MYO18A: variants seen among roughly 807,000 people sequenced by gnomAD.
The protein encoded by MYO18A is unconventional myosin-XVIIIa.
Under a neutral mutation model 235.8 loss-of-function variants are expected in MYO18A, and 78 were observed. The observed-to-expected ratio is 0.33, with a 90% confidence interval of 0.28 to 0.40. The LOEUF is 0.40. MYO18A is among the 10% of genes least tolerant of loss of function. MYO18A has a pLI of 1.00. For missense variants in MYO18A, 2,215 were observed against 2,699.3 expected (o/e 0.82, Z 3.98); for synonymous variants, 977 against 1,077.8 (o/e 0.91, Z 1.83).
chr17:29,117,502 G>C lies in MYO18A; in HGVS notation c.2038+543C>G, dbSNP rs918546997. 2.6e-5 allele frequency among the ~76,000 whole-genome samples: 4 copies of C among 152,074 alleles called. No homozygotes were observed. The highest frequency in any genetic ancestry group is 5.9e-5 in the Non-Finnish European group (4 of 68,004). On this transcript the variant is annotated intron_variant, in intron 10 of 41. Transcript: ENST00000527372. The surrounding 1 kb of genome is among the most constrained non-coding windows in gnomAD (Gnocchi z 4.6). ...AGATCTAAAACTGGCAGGAGAAGCA[G>C]CTACTCCTGGGACTCTAAGACACCC...
chr17:29,120,810 C>A lies in MYO18A; in HGVS notation c.1586-52G>T. The A allele has an allele frequency of 6.3e-7, 1 of 1,590,244 alleles. No homozygotes were observed. The highest frequency in any genetic ancestry group is 8.6e-7 in the Non-Finnish European group (1 of 1,166,630). ...TCAGGAAAGCCAGGGGCAGCTTATC[C>A]CCCAGCTAGGAGCTACCCCAGAGGT... On this transcript the variant is annotated intron_variant, in intron 6 of 41. Transcript: ENST00000527372. This position sits in a 1 kb window ranked among gnomAD's most constrained non-coding sequence, Gnocchi z 4.2.
Position 29,089,419 on chromosome 17 carries a change from C to CAAA in MYO18A, c.5526+539_5526+541dup, listed in dbSNP as rs56389977. Among the ~76,000 whole-genome samples the CAAA allele has an allele frequency of 2.5e-3, 60 of 23,802 alleles. 11 individuals are homozygous for CAAA. The highest frequency in any genetic ancestry group is 3.3e-3 in the Admixed American group (4 of 1,224). The allele number at this position is 23,802 out of a possible 152,430, so 15.6% of individuals were successfully genotyped here. The stretch of plus-strand genomic sequence containing the variant: ...CTGGCGACAGAGTGAGACTCTGTCT[C>CAAA]AAAAAAAAAAAAAAAAAAAAAAAAA... On this transcript the variant is annotated intron_variant, in intron 37 of 41. Transcript: ENST00000527372.
chr17:29,093,344 C>T lies in MYO18A; in HGVS notation c.4905G>A (p.Lys1635=), dbSNP rs1484299019. Residue 1635 remains lysine, a synonymous_variant, in exon 32 of 42, where the codon AAG becomes AAA. Coordinates refer to ENST00000527372, the MANE Select transcript of MYO18A (RefSeq NM_078471.4). ...TGACCTGGTCGCTGAGGGTGGCGAGCTTGCCCTCCAGCTCCCGCTTCTCTC... is the reference window on the plus strand; with the variant it reads ...TGACCTGGTCGCTGAGGGTGGCGAGTTTGCCCTCCAGCTCCCGCTTCTCTC... ...VLREKRELEG[K]LATLSDQVNR... 6.2e-7 allele frequency: 1 copy of T among 1,612,160 alleles called. No homozygotes were observed. The highest frequency in any genetic ancestry group is 1.3e-5 in the African/African-American group (1 of 74,824).
chr17:29,105,680 G>T (rs879642792), intron 20 of MYO18A, among the ~76,000 whole-genome samples: 1 of 152,190 alleles, frequency 6.6e-6, no homozygotes, highest in Non-Finnish European at 1.5e-5. Context: ...GGTGAGCCAG[G>T]AAGGTGGGGC....
At chr17:29,081,612 G>A (rs2066125342) in intron 41 of MYO18A, among the ~76,000 whole-genome samples, 1 of 148,948 alleles carries the variant, frequency 6.7e-6, no homozygotes, top group Non-Finnish European at 1.5e-5. Flanking sequence ...CTATGTTGTG[G>A]GGGCAGCAGG....
chr17:29,083,560 G>A (rs1282809225), intron 40 of MYO18A, among the ~76,000 whole-genome samples: 22 of 89,158 alleles, frequency 2.5e-4, no homozygotes, highest in East Asian at 2.4e-3. Flanking sequence ...ACACACACAC[G>A]AAACCAGCAG....
At position 29,074,990 on chromosome 17, in the gene MYO18A, G is replaced by T; in HGVS notation, c.6021-76C>A. ...AGCACGCACGCCTTTGGTTCTGGAG[G>T]CCCACAAAGCTGCGTCAGAGCACTC... is the stretch of plus-strand genomic sequence containing the variant. On this transcript the variant is annotated intron_variant, in intron 41 of 41. Transcript: ENST00000527372. The surrounding 1 kb of genome is among the most constrained non-coding windows in gnomAD (Gnocchi z 4.4). The T allele has an allele frequency of 6.4e-7, 1 of 1,564,112 alleles. No individual in the cohort carries two copies. The highest frequency in any genetic ancestry group is 8.7e-7 in the Non-Finnish European group (1 of 1,143,980).
chr17:29,175,928 G>A (rs902391479), intron 1 of MYO18A, among the ~76,000 whole-genome samples: 7 of 152,016 alleles, frequency 4.6e-5, no homozygotes, highest in East Asian at 1.9e-4. Context: ...GCGTGGTGGC[G>A]GGCGCCTGTA....
At chr17:29,178,221 CAT>C (rs2068575470) in intron 1 of MYO18A, among the ~76,000 whole-genome samples, 1 of 152,176 alleles carries the variant, frequency 6.6e-6, no homozygotes, top group Non-Finnish European at 1.5e-5. Context: ...GCATAACCCA[CAT>C]GAGGAAAGTC....
chr17:29,090,520 C>T lies in MYO18A; in HGVS notation c.5388+12G>A, dbSNP rs370437320. The T allele has an allele frequency of 1.3e-6, 2 of 1,578,098 alleles. No individual in the cohort carries two copies. Among genetic ancestry groups the T allele is most frequent in the Admixed American group, 1.8e-5 (1 of 54,886 alleles). ...GCACTCTCTCTCTCCTGAGGGAGCC[C>T]CTGGTCCTCACCTTCTCCTGCAGCT... On this transcript the variant is annotated intron_variant, in intron 36 of 41. Coordinates refer to ENST00000527372, the MANE Select transcript of MYO18A (RefSeq NM_078471.4).
At position 29,106,342 on chromosome 17, in the gene MYO18A, G is replaced by A. The variant is rs547971302; in HGVS notation, c.3441+738C>T. On this transcript the variant is annotated intron_variant, in intron 20 of 41. Transcript: ENST00000527372. This position sits in a 1 kb window ranked among gnomAD's most constrained non-coding sequence, Gnocchi z 4.6. ...TTCCGAGCCCCCTCCATGAATTCAG[G>A]TCTTTAAGGCAGGGGTGGAGGGGCA... Among the ~76,000 whole-genome samples the A allele has an allele frequency of 6.6e-6, 1 of 152,278 alleles. No individual in the cohort carries two copies. The highest frequency in any genetic ancestry group is 2.4e-5 in the African/African-American group (1 of 41,564).
rs2068097984 is a variant in MYO18A, at chr17:29,158,129, C to G, written c.999+7813G>C. Among the ~76,000 whole-genome samples, 1 of 152,152 alleles carries G rather than the reference C, an allele frequency of 6.6e-6. No individual in the cohort carries two copies. The highest frequency in any genetic ancestry group is 2.4e-5 in the African/African-American group (1 of 41,436). ...CTTACCCAGATCAATTAAACACCAC[C>G]TAGGGCACGTGTCTACACTATGCAC... On this transcript the variant is annotated intron_variant, in intron 2 of 41. Coordinates refer to ENST00000527372, the MANE Select transcript of MYO18A (RefSeq NM_078471.4). This position sits in a 1 kb window ranked among gnomAD's most constrained non-coding sequence, Gnocchi z 4.3.
chr17:29,075,855 T>TA (rs1296173589), intron 41 of MYO18A: 1 of 153,082 alleles, frequency 6.5e-6, no homozygotes, highest in Non-Finnish European at 1.5e-5. Context: ...GCTCCTCTCC[T>TA]ACTGATGCCC....
chr17:29,172,150 G>C (rs1490819297), intron 1 of MYO18A, among the ~76,000 whole-genome samples: 1 of 151,838 alleles, frequency 6.6e-6, no homozygotes. Context: ...CTCAGGCTTT[G>C]GATATCAAGT....
chr17:29,110,041 C>T lies in MYO18A; in HGVS notation c.3148G>A (p.Val1050Ile). 6.2e-7 allele frequency: 1 copy of T among 1,613,232 alleles called. No homozygotes were observed. The highest frequency in any genetic ancestry group is 8.5e-7 in the Non-Finnish European group (1 of 1,179,840). ...KLHFVHCFLP[V>I]AEGWAGEPRS... Reference sequence around the variant, plus strand: ...GGCTCCCCAGCCCAGCCCTCAGCTACAGGCAGGAAGCAGTGCACAAAATGC... The same window carrying T: ...GGCTCCCCAGCCCAGCCCTCAGCTATAGGCAGGAAGCAGTGCACAAAATGC... The change falls in exon 19 of 42, where the codon GTA (valine) becomes ATA (isoleucine). Residue 1050 changes from valine to isoleucine, a missense_variant. Transcript: ENST00000527372.
intron 18 of MYO18A, 74 bp from the exon 19 acceptor site, chr17:29,110,175 G>A (rs1423883708): frequency 1.9e-5 from 30 of 1,556,408 alleles, no homozygotes; most frequent in Middle Eastern, 1.9e-4. Context: ...TGGTGCCAGC[G>A]TCTCCACTGC....
chr17:29,074,126 C>A lies in MYO18A; in HGVS notation c.*644G>T. On this transcript the variant is annotated 3_prime_UTR_variant, in exon 42 of 42. Coordinates refer to ENST00000527372, the MANE Select transcript of MYO18A (RefSeq NM_078471.4). The surrounding 1 kb of genome is among the most constrained non-coding windows in gnomAD (Gnocchi z 4.4). ...CACCTCATTCTTAAGAACCTGGACC[C>A]GGCTCTCCTCACCAGCGTCTCCAGC... The A allele has an allele frequency of 6.2e-7, 1 of 1,613,984 alleles. No homozygotes were observed. Among genetic ancestry groups the A allele is most frequent in the Non-Finnish European group, 8.5e-7 (1 of 1,179,992 alleles).
In MYO18A at chr17:29,074,011, G is replaced by C. The variant is rs538810235; in HGVS notation, c.*759C>G. 21 of 1,614,098 alleles carry C rather than the reference G, an allele frequency of 1.3e-5. No individual in the cohort carries two copies. In the African/African-American group the frequency reaches 2.7e-4, roughly 20 times the overall value. On this transcript the variant is annotated 3_prime_UTR_variant, in exon 42 of 42. Transcript: ENST00000527372. The surrounding 1 kb of genome is among the most constrained non-coding windows in gnomAD (Gnocchi z 4.4). ...TAACACGCTGAGACAAAGAGGGTGG[G>C]GTGGGGGCTGGAGGTGCGGATGGTC...
chr17:29,073,979 T>C lies in MYO18A; in HGVS notation c.*791A>G, dbSNP rs115510379. ...GAATGGGTTTACCTTAAATAGGTCA[T>C]TGCACATAACACGCTGAGACAAAGA... On this transcript the variant is annotated 3_prime_UTR_variant, in exon 42 of 42. Coordinates refer to ENST00000527372, the MANE Select transcript of MYO18A (RefSeq NM_078471.4). 26 of 1,614,042 alleles carry C rather than the reference T, an allele frequency of 1.6e-5. No homozygotes were observed. In the East Asian group the frequency reaches 4.9e-4, roughly 30 times the overall value.
Sources: gnomAD v4.1 joint callset for allele counts (sites outside exome capture counted in the v4.1 genomes callset) on GRCh38, gnomAD v4.1.1 for gene constraint, Gnocchi (gnomAD v3.1) non-coding constraint, MANE v1.5 for transcripts, NCBI Gene and HGNC (gene_info 2026-07-23, HGNC 2026-07-21) for gene names.